Variants in CCDC192 observed in about 807,000 individuals in gnomAD.
CCDC192 encodes coiled-coil domain containing 192, also known as coiled-coil domain-containing protein 192.
At chr5:127,731,070 A>G (rs552862027) in intron 2 of CCDC192, among the ~76,000 whole-genome samples, 1 of 152,328 alleles carries the variant, frequency 6.6e-6, no homozygotes, top group East Asian at 1.9e-4. Flanking sequence ...GGAGGAAGCC[A>G]AACTGTCTCT....
chr5:127,856,473 G>T (rs950949973), intron 5 of CCDC192, among the ~76,000 whole-genome samples: 2 of 152,156 alleles, frequency 1.3e-5, no homozygotes, highest in African/African-American at 4.8e-5. Context: ...TTTTATTCAT[G>T]TGTTCACTGG....
chr5:127,835,874 G>C (rs1750012819), intron 5 of CCDC192, among the ~76,000 whole-genome samples: 1 of 152,080 alleles, frequency 6.6e-6, no homozygotes, highest in East Asian at 1.9e-4. Context: ...TCGGTGGAGA[G>C]ACAAAGCCTA....
At chr5:127,738,757 C>G (rs975995177) in intron 2 of CCDC192, among the ~76,000 whole-genome samples, 1 of 152,192 alleles carries the variant, frequency 6.6e-6, no homozygotes, top group Non-Finnish European at 1.5e-5. Context: ...TCACGTAGTT[C>G]TCGAGCCTTG....
At chr5:127,703,944 A>C (rs757842006) in intron 1 of CCDC192, among the ~76,000 whole-genome samples, 2 of 152,196 alleles carry the variant, frequency 1.3e-5, no homozygotes, top group Non-Finnish European at 2.9e-5. Flanking sequence ...ACCTAGATCA[A>C]TGTTGGCTAG....
At chr5:127,827,957 A>T (rs539530065) in intron 5 of CCDC192, among the ~76,000 whole-genome samples, 1 of 152,226 alleles carries the variant, frequency 6.6e-6, no homozygotes, top group Non-Finnish European at 1.5e-5. Context: ...CCCAGACTGG[A>T]GTGCAGTGGC....
chr5:127,835,805 A>C (rs1050757371), intron 5 of CCDC192, among the ~76,000 whole-genome samples: 3 of 152,244 alleles, frequency 2.0e-5, no homozygotes, highest in Non-Finnish European at 4.4e-5. Context: ...CCCATGATCA[A>C]ATCACCTCCC....
At chr5:127,816,180 A>G (rs1295956656) in intron 5 of CCDC192, among the ~76,000 whole-genome samples, 1 of 152,196 alleles carries the variant, frequency 6.6e-6, no homozygotes, top group Non-Finnish European at 1.5e-5. Flanking sequence ...TGACTTAGAA[A>G]TCAACATACT....
chr5:127,735,786 G>C (rs1477705077), intron 2 of CCDC192, among the ~76,000 whole-genome samples: 3 of 133,022 alleles, frequency 2.3e-5, no homozygotes, highest in Non-Finnish European at 4.6e-5. Context: ...TTTGTATCCT[G>C]AGACTTTGCT....
intron 5 of CCDC192, among the ~76,000 whole-genome samples, chr5:127,828,909 T>G (rs1420851158): frequency 6.6e-6 from 1 of 152,132 alleles, no homozygotes; most frequent in African/African-American, 2.4e-5. Flanking sequence ...TATAGTCAGA[T>G]TTATATTATA....
chr5:127,902,549 G>T (rs1753067072), intron 6 of CCDC192, among the ~76,000 whole-genome samples: 1 of 152,098 alleles, frequency 6.6e-6, no homozygotes, highest in Non-Finnish European at 1.5e-5. Context: ...CCTCCTATCT[G>T]CATGCATTCA....
At chr5:127,931,160 C>T (rs974488634) in intron 6 of CCDC192, among the ~76,000 whole-genome samples, 4 of 152,110 alleles carry the variant, frequency 2.6e-5, no homozygotes, top group Admixed American at 6.5e-5. Context: ...GTGCTTCCAA[C>T]CCAAAGTCCA....
chr5:127,776,058 G>A (rs1186693361), intron 3 of CCDC192, among the ~76,000 whole-genome samples: 2 of 152,238 alleles, frequency 1.3e-5, no homozygotes, highest in East Asian at 1.9e-4. Context: ...ACTTGCTGCT[G>A]TGAAGATACC....
chr5:127,765,899 C>G (rs1005841258), intron 3 of CCDC192, among the ~76,000 whole-genome samples: 2 of 152,176 alleles, frequency 1.3e-5, no homozygotes, highest in Non-Finnish European at 2.9e-5. Flanking sequence ...TATGGAGACT[C>G]TTCGTTTTCT....
chr5:127,861,665 T>G (rs967547162), intron 5 of CCDC192, among the ~76,000 whole-genome samples: 5 of 152,086 alleles, frequency 3.3e-5, no homozygotes, highest in African/African-American at 1.2e-4. Context: ...AAAAAAAATT[T>G]TTTTTTATTC....
At chr5:127,830,463 G>C (rs950396915) in intron 5 of CCDC192, among the ~76,000 whole-genome samples, 16 of 152,134 alleles carry the variant, frequency 1.1e-4, no homozygotes, top group African/African-American at 3.6e-4. Context: ...TCCTTGGCTT[G>C]CAGGCTTCTT....
At chr5:127,718,905 T>C (rs1039402479) in intron 2 of CCDC192, among the ~76,000 whole-genome samples, 10 of 152,146 alleles carry the variant, frequency 6.6e-5, no homozygotes, top group African/African-American at 2.4e-4. Flanking sequence ...TTACAAACAA[T>C]CCAATTATAC....
At chr5:127,827,405 T>G (rs1317191162) in intron 5 of CCDC192, among the ~76,000 whole-genome samples, 2 of 152,220 alleles carry the variant, frequency 1.3e-5, no homozygotes, top group African/African-American at 4.8e-5. Context: ...CACCGTGTCC[T>G]TCGGGAATAA....
At chr5:127,732,306 CCAGT>C (rs1752686206) in intron 2 of CCDC192, among the ~76,000 whole-genome samples, 1 of 152,170 alleles carries the variant, frequency 6.6e-6, no homozygotes, top group African/African-American at 2.4e-5. Flanking sequence ...CCATCTCACA[CCAGT>C]CAGAATGGCA....
At chr5:127,856,360 T>TG (rs1751096874) in intron 5 of CCDC192, among the ~76,000 whole-genome samples, 1 of 152,232 alleles carries the variant, frequency 6.6e-6, no homozygotes, top group Non-Finnish European at 1.5e-5. Flanking sequence ...ATTAGGACCT[T>TG]GCTTTGGATT....
Sources: gnomAD v4.1 joint callset for allele counts (sites outside exome capture counted in the v4.1 genomes callset) on GRCh38, gnomAD v4.1.1 for gene constraint, MANE v1.5 for transcripts, NCBI Gene and HGNC (gene_info 2026-07-23, HGNC 2026-07-21) for gene names.